PRKG1: variants seen among roughly 807,000 people sequenced by gnomAD.
PRKG1 encodes cGMP-dependent protein kinase 1.
A neutral mutation model predicts 88.1 loss-of-function variants in PRKG1; 35 were observed. The ratio of observed to expected loss-of-function variants is 0.40; its 90% CI spans 0.30 to 0.53. The LOEUF (loss-of-function observed/expected upper bound fraction) is 0.53. PRKG1 is among the 20% of genes least tolerant of loss of function. The pLI, the probability that PRKG1 is intolerant of heterozygous loss-of-function variation, is 0.59. For missense variants in PRKG1, 540 were observed against 839.8 expected (o/e 0.64, Z 4.41); for synonymous variants, 303 against 292.5 (o/e 1.04, Z -0.37).
intron 7 of PRKG1, among the ~76,000 whole-genome samples, chr10:52,131,832 A>AC: frequency 6.7e-6 from 1 of 148,826 alleles, no homozygotes; most frequent in Non-Finnish European, 1.5e-5. Context: ...AAAAAAAAAA[A>AC]AAAAAAAAAA....
intron 5 of PRKG1, among the ~76,000 whole-genome samples, chr10:51,947,988 G>T (rs982810093): frequency 6.6e-6 from 1 of 152,096 alleles, no homozygotes; most frequent in Admixed American, 6.5e-5. Context: ...TTTCTTAAAG[G>T]TCTTCTACAT....
At chr10:51,413,389 A>G (rs1022912685) in intron 2 of PRKG1, among the ~76,000 whole-genome samples, 1 of 151,706 alleles carries the variant, frequency 6.6e-6, no homozygotes, top group Non-Finnish European at 1.5e-5. Flanking sequence ...TGTTTTTGAC[A>G]GAGTCTCTCC....
intron 3 of PRKG1, among the ~76,000 whole-genome samples, chr10:51,531,655 T>G (rs915851665): frequency 5.4e-4 from 76 of 140,006 alleles, no homozygotes; most frequent in African/African-American, 1.8e-3. Context: ...TTTTTTTTTT[T>G]TTTTTTTTGA....
intron 2 of PRKG1, among the ~76,000 whole-genome samples, chr10:51,280,776 T>G (rs1203526822): frequency 6.6e-6 from 1 of 152,196 alleles, no homozygotes; most frequent in Non-Finnish European, 1.5e-5. Flanking sequence ...CTAATCTTTT[T>G]TCAAGGTTTT....
intron 9 of PRKG1, among the ~76,000 whole-genome samples, chr10:52,207,376 A>G (rs1033393372): frequency 1.5e-4 from 23 of 152,154 alleles, no homozygotes; most frequent in Non-Finnish European, 8.8e-5. Flanking sequence ...CCAAGGCTAC[A>G]TTAAAAGTGG....
chr10:51,528,840 T>C (rs993454025), intron 3 of PRKG1, among the ~76,000 whole-genome samples: 4 of 152,092 alleles, frequency 2.6e-5, no homozygotes, highest in African/African-American at 2.4e-5. Flanking sequence ...AGAGAATAAT[T>C]AGAAGCCTTG....
intron 3 of PRKG1, among the ~76,000 whole-genome samples, chr10:51,767,606 T>C (rs1838200666): frequency 6.6e-6 from 1 of 151,984 alleles, no homozygotes; most frequent in Non-Finnish European, 1.5e-5. Context: ...ATCCACATTA[T>C]GTAATTTCTC....
At position 51,551,546 on chromosome 10, in the gene PRKG1, G is replaced by A. The variant is rs1029856148; in HGVS notation, c.592+83710G>A. Reference sequence around the variant, plus strand: ...ACAGTATATGTGTTTGTATGAATGAGTTATTGGACAGGAAGGAATTTTTCT... The same window carrying A: ...ACAGTATATGTGTTTGTATGAATGAATTATTGGACAGGAAGGAATTTTTCT... On this transcript the variant is annotated intron_variant, in intron 3 of 17. Transcript: ENST00000373980. Among the ~76,000 whole-genome samples the A allele has an allele frequency of 7.3e-5, 11 of 151,718 alleles. No individual in the cohort carries two copies. In the South Asian group the frequency reaches 1.9e-3, roughly 26 times the overall value.
At chr10:51,617,885 G>C (rs1181977663) in intron 3 of PRKG1, among the ~76,000 whole-genome samples, 1 of 152,150 alleles carries the variant, frequency 6.6e-6, no homozygotes, top group African/African-American at 2.4e-5. Flanking sequence ...AAAGCATCCA[G>C]CTAAAATGTA....
At chr10:52,090,217 G>T (rs1847021527) in intron 7 of PRKG1, among the ~76,000 whole-genome samples, 1 of 151,912 alleles carries the variant, frequency 6.6e-6, no homozygotes. Flanking sequence ...TGATCCTGGG[G>T]TATCTTGTAG....
At chr10:51,477,628 G>T (rs1170884163) in intron 3 of PRKG1, among the ~76,000 whole-genome samples, 1 of 151,934 alleles carries the variant, frequency 6.6e-6, no homozygotes, top group African/African-American at 2.4e-5. Flanking sequence ...GCTTAGTGCG[G>T]CAACGAACAT....
At chr10:51,163,752 C>A (rs943902626) in intron 2 of PRKG1, among the ~76,000 whole-genome samples, 3 of 152,360 alleles carry the variant, frequency 2.0e-5, no homozygotes, top group East Asian at 1.9e-4. Context: ...TATCTCGCAC[C>A]TGGCTGGGAG....
At chr10:51,678,974 G>T (rs1039543631) in intron 3 of PRKG1, among the ~76,000 whole-genome samples, 7 of 152,090 alleles carry the variant, frequency 4.6e-5, no homozygotes, top group African/African-American at 7.2e-5. Flanking sequence ...TGATTTTTAG[G>T]ATTCATTCAT....
chr10:51,300,147 T>A (rs1042631089), intron 2 of PRKG1, among the ~76,000 whole-genome samples: 5 of 152,216 alleles, frequency 3.3e-5, no homozygotes, highest in Non-Finnish European at 7.3e-5. Context: ...TTTCGTCTAT[T>A]TGAAGATGAC....
intron 1 of PRKG1, among the ~76,000 whole-genome samples, chr10:51,086,472 G>GATATGTGT (rs1844250496): frequency 6.6e-6 from 1 of 152,056 alleles, no homozygotes; most frequent in Non-Finnish European, 1.5e-5. Context: ...AAGCATTATG[G>GATATGTGT]ATATGTGTGT....
intron 4 of PRKG1, among the ~76,000 whole-genome samples, chr10:51,877,637 C>T (rs1564688983): frequency 1.3e-5 from 2 of 152,090 alleles, no homozygotes; most frequent in South Asian, 2.1e-4. Context: ...CTATAACCAC[C>T]GAACATCTTT....
chr10:52,154,108 T>C (rs1838019772), intron 8 of PRKG1, among the ~76,000 whole-genome samples: 1 of 152,198 alleles, frequency 6.6e-6, no homozygotes, highest in African/African-American at 2.4e-5. Context: ...CCTTCATTAG[T>C]AGCTAGTTCT....
intron 2 of PRKG1, among the ~76,000 whole-genome samples, chr10:51,307,085 A>G (rs1841058422): frequency 6.6e-6 from 1 of 152,080 alleles, no homozygotes. Context: ...ACAAACTTGC[A>G]GTTTGTATAA....
chr10:52,106,129 A>T (rs1299925137), intron 7 of PRKG1, among the ~76,000 whole-genome samples: 1 of 152,202 alleles, frequency 6.6e-6, no homozygotes, highest in Non-Finnish European at 1.5e-5. Context: ...CTCCACCCAG[A>T]ATGCTTATTT....
Sources: allele counts gnomAD v4.1 joint callset (sites outside exome capture counted in the v4.1 genomes callset), GRCh38; gene constraint gnomAD v4.1.1; transcripts MANE v1.5; gene names NCBI Gene and HGNC (gene_info 2026-07-23, HGNC 2026-07-21).